Variants in ZFPM1 observed in about 807,000 individuals in gnomAD.
The protein encoded by ZFPM1 is zinc finger protein, FOG family member 1.
Under a neutral mutation model 46.3 loss-of-function variants are expected in ZFPM1, and 28 were observed. That is an observed-to-expected ratio of 0.60 (90% CI 0.45 to 0.83). The LOEUF is 0.83. Ranked by LOEUF, ZFPM1 falls within the 40% of genes least tolerant of loss-of-function variation. ZFPM1 has a pLI of 0.00. For missense variants in ZFPM1, 1,878 were observed against 1,432.4 expected (o/e 1.31, Z -5.02); for synonymous variants, 957 against 675.9 (o/e 1.42, Z -6.45).
At chr16:88,459,449 C>T (rs112202421) in intron 1 of ZFPM1, among the ~76,000 whole-genome samples, 4,169 of 152,258 alleles carry the variant, frequency 0.027, 192 homozygotes, top group African/African-American at 0.096. Context: ...GTACCTGCCC[C>T]CTGAGCACTG....
chr16:88,468,921 C>G (rs1050879265), intron 1 of ZFPM1: 2 of 153,786 alleles, frequency 1.3e-5, no homozygotes, highest in Non-Finnish European at 2.9e-5. Flanking sequence ...CTGGAAGGGC[C>G]CGCCTTTTAG....
chr16:88,528,012 GGACACCT>G lies in ZFPM1; in HGVS notation c.506-18_506-12del. 1 of 1,523,354 alleles carries G rather than the reference GGACACCT, an allele frequency of 6.6e-7. No homozygotes were observed. The highest frequency in any genetic ancestry group is 8.9e-7 in the Non-Finnish European group (1 of 1,128,568). The allele number at this position is 1,523,354 out of a possible 1,614,324, so 94.4% of individuals were successfully genotyped here. A position where few individuals can be genotyped will look rare whatever the true frequency, so the allele number is the denominator to read the frequency against. On this transcript the variant is annotated splice_polypyrimidine_tract_variant and intron_variant, in intron 5 of 9. Coordinates refer to ENST00000319555, the MANE Select transcript of ZFPM1 (RefSeq NM_153813.3). Reference sequence around the variant, plus strand: ...AAGTGGGGCACAAAGTCCTAGGTTTGGACACCTGTCTCCCTCCAGATGACGCACTCTG... The same window carrying G: ...AAGTGGGGCACAAAGTCCTAGGTTTGGTCTCCCTCCAGATGACGCACTCTG...
At position 88,485,830 on chromosome 16, in the gene ZFPM1, T is replaced by A. The variant is rs981647116; in HGVS notation, c.41-109T>A. On this transcript the variant is annotated intron_variant, in intron 1 of 9. Transcript: ENST00000319555. ...GAGGGATGACCCTCACCCCCACCCA[T>A]TGCCATTTCCGCCTGGGCACCGGGG... is the stretch of plus-strand genomic sequence containing the variant. 34 of 983,200 alleles carry A rather than the reference T, an allele frequency of 3.5e-5. No individual in the cohort carries two copies. In the African/African-American group the frequency reaches 4.6e-4, roughly 13 times the overall value. The allele number at this position is 983,200 out of a possible 1,614,324, so 60.9% of individuals were successfully genotyped here. A position where few individuals can be genotyped will look rare whatever the true frequency, so the allele number is the denominator to read the frequency against.
At chr16:88,490,193 A>G (rs1394207743) in intron 3 of ZFPM1, among the ~76,000 whole-genome samples, 2 of 151,972 alleles carry the variant, frequency 1.3e-5, no homozygotes, top group Non-Finnish European at 2.9e-5. Context: ...AGCTGGGACT[A>G]CAGGTGCCTG....
At position 88,486,189 on chromosome 16, in the gene ZFPM1, C is replaced by T. The variant is rs575878442; in HGVS notation, c.145+146C>T. ...GGACAGGCGTCTTCCAGCCAGAGGC[C>T]TGTTGCCCGGAGGCCCTCGGTGGGG... On this transcript the variant is annotated intron_variant, in intron 2 of 9. Transcript: ENST00000319555. 1.4e-3 allele frequency: 1,221 copies of T among 868,984 alleles called. 1 individual carries two copies. Among genetic ancestry groups the T allele is most frequent in the Non-Finnish European group, 1.9e-3 (1,089 of 571,116 alleles). 53.8% of individuals were successfully genotyped at this position (868,984 alleles called of 1,614,324 possible). A position where few individuals can be genotyped will look rare whatever the true frequency, so the allele number is the denominator to read the frequency against.
intron 3 of ZFPM1, among the ~76,000 whole-genome samples, chr16:88,499,376 A>G (rs1416146930): frequency 9.8e-6 from 1 of 102,212 alleles, no homozygotes; most frequent in Non-Finnish European, 2.3e-5. Flanking sequence ...CCTCCTCCAG[A>G]GCAGCCGCGG....
At chr16:88,461,092 CAAGGGGCAG>C (rs1567525652) in intron 1 of ZFPM1, among the ~76,000 whole-genome samples, 13 of 98,134 alleles carry the variant, frequency 1.3e-4, no homozygotes, top group African/African-American at 4.4e-4. Flanking sequence ...TGGTGAGGAC[CAAGGGGCAG>C]GAGGCCCTGG....
At chr16:88,491,926 C>T (rs1171781395) in intron 3 of ZFPM1, among the ~76,000 whole-genome samples, 1 of 152,162 alleles carries the variant, frequency 6.6e-6, no homozygotes, top group African/African-American at 2.4e-5. Context: ...GCGTCGATGG[C>T]CAGCAGGGTC....
At chr16:88,483,177 G>A (rs541175957) in intron 1 of ZFPM1, among the ~76,000 whole-genome samples, 19 of 152,226 alleles carry the variant, frequency 1.2e-4, no homozygotes, top group African/African-American at 4.1e-4. Flanking sequence ...AGGAGGCCGG[G>A]ACTCATGGGT....
intron 1 of ZFPM1, among the ~76,000 whole-genome samples, chr16:88,456,133 C>T (rs879627): frequency 1.3e-5 from 2 of 152,080 alleles, no homozygotes; most frequent in African/African-American, 2.4e-5. Flanking sequence ...AGTTTTCTCC[C>T]CAAACACACT....
intron 1 of ZFPM1, among the ~76,000 whole-genome samples, chr16:88,468,515 A>G (rs34139656): frequency 0.45 from 68,210 of 151,834 alleles, 17,455 homozygotes; most frequent in African/African-American, 0.69. Flanking sequence ...ACGACCTTGG[A>G]CCAGTATCTT....
In ZFPM1 at chr16:88,511,733, C is replaced by T. The variant is rs114108824; in HGVS notation, c.269-2654C>T. On this transcript the variant is annotated intron_variant, in intron 3 of 9. Transcript: ENST00000319555. ...AGAGCGTTGAGAACCACCACGGCCTCTATGTTCAGTTGCACAGGTCGAATG... is the reference window on the plus strand; with the variant it reads ...AGAGCGTTGAGAACCACCACGGCCTTTATGTTCAGTTGCACAGGTCGAATG... 6.3e-3 allele frequency among the ~76,000 whole-genome samples: 956 copies of T among 152,288 alleles called. 7 individuals carry two copies. The highest frequency in any genetic ancestry group is 0.022 in the African/African-American group (910 of 41,538).
At position 88,533,545 on chromosome 16, in the gene ZFPM1, C is replaced by T. The variant is rs375798810; in HGVS notation, c.1587C>T (p.Tyr529=). Residue 529 remains tyrosine (Y), a synonymous_variant, in exon 10 of 10, where the codon TAC becomes TAT. Coordinates refer to ENST00000319555, the MANE Select transcript of ZFPM1 (RefSeq NM_153813.3). ...CCGGGGCCCTGTTCCTTCCGCAGTA[C>T]GTGTTCGGGCCCGACGCGGCGCCCC... ...GLAGALFLPQ[Y]VFGPDAAPPA... 2,772 of 1,471,680 alleles carry T rather than the reference C, an allele frequency of 1.9e-3. 48 individuals are homozygous for T. The African/African-American group carries it at 0.038, about 20-fold the overall frequency. 91.2% of individuals were successfully genotyped at this position (1,471,680 alleles called of 1,614,324 possible).
At chr16:88,524,795 G>A (rs960075226) in intron 4 of ZFPM1, among the ~76,000 whole-genome samples, 24 of 152,236 alleles carry the variant, frequency 1.6e-4, no homozygotes, top group Admixed American at 9.2e-4. Flanking sequence ...GTGAGCAGGG[G>A]CTCGGCCGCC....
chr16:88,460,841 G>C (rs533001486), intron 1 of ZFPM1, among the ~76,000 whole-genome samples: 64 of 152,204 alleles, frequency 4.2e-4, no homozygotes, highest in African/African-American at 1.4e-3. Context: ...TACTCCCGTG[G>C]GCCTCGGCCT....
chr16:88,524,384 G>A (rs1041662893), intron 4 of ZFPM1, among the ~76,000 whole-genome samples: 11 of 152,202 alleles, frequency 7.2e-5, no homozygotes, highest in Admixed American at 2.6e-4. Context: ...CATCGGAGCC[G>A]GCAGAGCCCC....
rs1913084004 is a variant in ZFPM1 at position 88,534,261 on chromosome 16, C to T, written c.2303C>T (p.Ser768Leu). 2.8e-6 allele frequency: 3 copies of T among 1,076,306 alleles called. No homozygotes were observed. Among genetic ancestry groups the T allele is most frequent in the South Asian group, 4.5e-5 (1 of 22,190 alleles). 66.7% of individuals were successfully genotyped at this position (1,076,306 alleles called of 1,614,324 possible). ...PPPGHAPAPE[S>L]PRPGSGSGSG... Reference sequence around the variant, plus strand: ...CCCGGCCACGCCCCCGCGCCCGAGTCGCCGCGGCCCGGAAGCGGAAGCGGA... The same window carrying T: ...CCCGGCCACGCCCCCGCGCCCGAGTTGCCGCGGCCCGGAAGCGGAAGCGGA... The change falls in exon 10 of 10, where the codon TCG (serine) becomes TTG (leucine). Residue 768 changes from serine to leucine, a missense_variant. Physicochemically the swap from Ser to Leu is moderately radical, Grantham distance 145. Transcript: ENST00000319555.
rs535042941 is a variant in ZFPM1 at position 88,516,574 on chromosome 16, G to A, written c.402+2054G>A. 3.5e-5 allele frequency: 14 copies of A among 398,648 alleles called. No homozygotes were observed. In the East Asian group the frequency reaches 3.9e-4, roughly 11 times the overall value. The allele number at this position is 398,648 out of a possible 1,614,324, so 24.7% of individuals were successfully genotyped here. A position where few individuals can be genotyped will look rare whatever the true frequency, so the allele number is the denominator to read the frequency against. ...ATCTCCCCAGCGAGGCGCTATCTCC[G>A]CCTTGGCGCCGAGTGTCCAGACACA... On this transcript the variant is annotated intron_variant, in intron 4 of 9. Transcript: ENST00000319555.
chr16:88,454,358 A>G (rs1281806755), intron 1 of ZFPM1, among the ~76,000 whole-genome samples: 3 of 152,044 alleles, frequency 2.0e-5, no homozygotes, highest in African/African-American at 7.2e-5. Context: ...TCCTGAACCC[A>G]GGCCCCGCCA....
Sources: allele counts gnomAD v4.1 joint callset (sites outside exome capture counted in the v4.1 genomes callset), GRCh38; gene constraint gnomAD v4.1.1; transcripts MANE v1.5; gene names NCBI Gene and HGNC (gene_info 2026-07-23, HGNC 2026-07-21).